VTI1A: variants seen among roughly 807,000 people sequenced by gnomAD.
VTI1A encodes the protein vesicle transport through interaction with t-SNAREs 1A.
In VTI1A, 22 loss-of-function variants were observed where a neutral mutation model predicts 34.9. The ratio of observed to expected loss-of-function variants is 0.63; its 90% CI spans 0.45 to 0.90. The LOEUF is 0.90. Among genes scored for constraint, VTI1A ranks in the 40% least tolerant of loss-of-function variants. The pLI, the probability that VTI1A is intolerant of heterozygous loss-of-function variation, is 0.00. For missense variants in VTI1A, 268 were observed against 275.6 expected (o/e 0.97, Z 0.20); for synonymous variants, 87 against 97.3 (o/e 0.89, Z 0.62).
At chr10:112,451,400 G>A (rs778395815) in intron 1 of VTI1A, among the ~76,000 whole-genome samples, 7 of 152,168 alleles carry the variant, frequency 4.6e-5, no homozygotes, top group South Asian at 4.1e-4. Flanking sequence ...CTAGGACCCC[G>A]CTCTTCAGAC....
chr10:112,592,437 C>T (rs542513279), intron 5 of VTI1A, among the ~76,000 whole-genome samples: 17 of 152,204 alleles, frequency 1.1e-4, no homozygotes, highest in Admixed American at 3.9e-4. Flanking sequence ...AGGACCTCTC[C>T]TCCATAAAGG....
rs1449101372 is a variant in VTI1A at position 112,464,639 on chromosome 10, A to T, written c.246A>T (p.Gly82=). The T allele has an allele frequency of 1.7e-5, 27 of 1,611,528 alleles. No individual in the cohort carries two copies. The highest frequency in any genetic ancestry group is 2.2e-5 in the Non-Finnish European group (26 of 1,178,438). ...NRMRSYKQEM[G]KLETDFKRSR... The stretch of plus-strand genomic sequence containing the variant: ...TGAGAAGCTACAAACAAGAAATGGG[A>T]AAACTCGAAACAGATTTTGTGAGTC... The change falls in exon 3 of 8, where the codon GGA becomes GGT. Residue 82 remains glycine, a synonymous_variant. Transcript: ENST00000393077.
chr10:112,731,634 T>G (rs553216025), intron 7 of VTI1A, among the ~76,000 whole-genome samples: 68 of 152,158 alleles, frequency 4.5e-4, no homozygotes, highest in African/African-American at 1.5e-3. Flanking sequence ...TTTAGGAAGA[T>G]TACTCAGTTA....
chr10:112,786,563 T>C (rs1423227390), intron 7 of VTI1A, among the ~76,000 whole-genome samples: 3 of 152,232 alleles, frequency 2.0e-5, no homozygotes, highest in Non-Finnish European at 4.4e-5. Flanking sequence ...AAGTATGATA[T>C]TCGCTGTAAA....
chr10:112,851,585 A>T, the VTI1A span, among the ~76,000 whole-genome samples: 1 of 152,210 alleles, frequency 6.6e-6, no homozygotes, highest in African/African-American at 2.4e-5. Context: ...AAGGCTGGAC[A>T]TCAATTAGTG....
intron 7 of VTI1A, among the ~76,000 whole-genome samples, chr10:112,701,042 T>C (rs1263360010): frequency 6.6e-6 from 1 of 152,248 alleles, no homozygotes; most frequent in East Asian, 1.9e-4. Context: ...GAAAATAAGT[T>C]GTATCTCATT....
At position 112,817,795 on chromosome 10, in the gene VTI1A, C is replaced by T; in HGVS notation, c.*2412C>T. ...AGGTTCTAGGTACTTAGTGTGTAGA[C>T]TTTGACGAATATTTCTCAAGTTGGG... is the stretch of plus-strand genomic sequence containing the variant. On this transcript the variant is annotated 3_prime_UTR_variant, in exon 8 of 8. Coordinates refer to ENST00000393077, the MANE Select transcript of VTI1A (RefSeq NM_145206.4). 4.3e-6 allele frequency: 1 copy of T among 231,644 alleles called. No individual in the cohort carries two copies. The highest frequency in any genetic ancestry group is 8.6e-6 in the Non-Finnish European group (1 of 116,946). The allele number at this position is 231,644 out of a possible 1,614,324, so 14.3% of individuals were successfully genotyped here.
intron 7 of VTI1A, among the ~76,000 whole-genome samples, chr10:112,690,143 A>G (rs961367079): frequency 8.5e-6 from 1 of 117,262 alleles, no homozygotes; most frequent in African/African-American, 5.0e-5. Flanking sequence ...GGGGTATACT[A>G]CAATTTATCT....
At chr10:112,532,981 C>T (rs1342490401) in intron 4 of VTI1A, among the ~76,000 whole-genome samples, 4 of 152,010 alleles carry the variant, frequency 2.6e-5, no homozygotes, top group Admixed American at 1.3e-4. Context: ...ACATTACTTC[C>T]AAATGCAGTC....
intron 4 of VTI1A, among the ~76,000 whole-genome samples, chr10:112,537,791 T>G (rs1353716214): frequency 1.3e-5 from 2 of 152,194 alleles, no homozygotes; most frequent in Non-Finnish European, 2.9e-5. Context: ...ATGGATCATT[T>G]TCTTACAAAT....
At chr10:112,519,288 C>T (rs1311696976) in intron 3 of VTI1A, among the ~76,000 whole-genome samples, 1 of 152,090 alleles carries the variant, frequency 6.6e-6, no homozygotes, top group Non-Finnish European at 1.5e-5. Flanking sequence ...CTCTCTGAGC[C>T]ATAGGTAGGC....
intron 5 of VTI1A, among the ~76,000 whole-genome samples, chr10:112,570,360 G>GA (rs897024468): frequency 4.0e-5 from 6 of 149,432 alleles, no homozygotes; most frequent in South Asian, 2.1e-4. Context: ...TTCTTATGGG[G>GA]AAAAAAAAAT....
At chr10:112,648,880 A>T (rs1416488556) in intron 5 of VTI1A, among the ~76,000 whole-genome samples, 3 of 152,200 alleles carry the variant, frequency 2.0e-5, no homozygotes, top group Non-Finnish European at 4.4e-5. Context: ...TGAGTTTGTC[A>T]GTGGGTAAAA....
intron 5 of VTI1A, among the ~76,000 whole-genome samples, chr10:112,625,632 C>G: frequency 1.7e-4 from 2 of 11,716 alleles, no homozygotes; most frequent in Non-Finnish European, 1.8e-4. Context: ...AAGAGTGAAA[C>G]TCTGTCTCAA....
intron 7 of VTI1A, among the ~76,000 whole-genome samples, chr10:112,750,249 C>T (rs1004852222): frequency 6.6e-6 from 1 of 152,058 alleles, no homozygotes; most frequent in African/African-American, 2.4e-5. Context: ...AGTGCGGTAG[C>T]ACGAGCATAG....
At chr10:112,596,809 A>G (rs1844665236) in intron 5 of VTI1A, among the ~76,000 whole-genome samples, 1 of 152,008 alleles carries the variant, frequency 6.6e-6, no homozygotes, top group African/African-American at 2.4e-5. Context: ...TTTTTTGCTG[A>G]TGTGTTTATG....
intron 7 of VTI1A, among the ~76,000 whole-genome samples, chr10:112,788,208 C>T (rs1852353361): frequency 6.6e-6 from 1 of 151,752 alleles, no homozygotes; most frequent in South Asian, 2.1e-4. Flanking sequence ...TACTGATTTC[C>T]TGTCTAGTTA....
intron 4 of VTI1A, among the ~76,000 whole-genome samples, chr10:112,531,057 CA>C (rs1564815241): frequency 4.6e-4 from 52 of 112,764 alleles, no homozygotes; most frequent in African/African-American, 1.7e-3. Context: ...GGTCACGTGA[CA>C]CACCTCACAC....
chr10:112,533,711 C>G (rs572620299), intron 4 of VTI1A, among the ~76,000 whole-genome samples: 1 of 151,750 alleles, frequency 6.6e-6, no homozygotes, highest in Non-Finnish European at 1.5e-5. Flanking sequence ...TGCTCACCAT[C>G]TTTTAAAACA....
Sources: gnomAD v4.1 joint callset for allele counts (sites outside exome capture counted in the v4.1 genomes callset) on GRCh38, gnomAD v4.1.1 for gene constraint, MANE v1.5 for transcripts, NCBI Gene and HGNC (gene_info 2026-07-23, HGNC 2026-07-21) for gene names.